DCDC2: variants seen among roughly 807,000 people sequenced by gnomAD.
DCDC2 encodes doublecortin domain-containing protein 2.
In DCDC2, 40 loss-of-function variants were observed where a neutral mutation model predicts 50.2. The observed-to-expected ratio is 0.80, with a 90% CI of 0.62 to 1.04. The LOEUF is 1.04. Ranked by LOEUF, DCDC2 falls within the 50% of genes least tolerant of loss-of-function variation. The pLI, the probability that DCDC2 is intolerant of heterozygous loss-of-function variation, is 0.00. For missense variants in DCDC2, 570 were observed against 581.9 expected, an observed-to-expected ratio of 0.98 and a Z score of 0.21; for synonymous variants, 234 against 210.6, an observed-to-expected ratio of 1.11 and a Z score of -0.96.
intron 7 of DCDC2, among the ~76,000 whole-genome samples, chr6:24,232,242 G>A (rs555766458): frequency 1.3e-5 from 2 of 152,148 alleles, no homozygotes; most frequent in Non-Finnish European, 2.9e-5. Flanking sequence ...AATTAACCAG[G>A]CACAGAAATA....
At chr6:24,320,859 G>C (rs897225768) in intron 2 of DCDC2, among the ~76,000 whole-genome samples, 1 of 151,684 alleles carries the variant, frequency 6.6e-6, no homozygotes, top group Admixed American at 6.6e-5. Flanking sequence ...AGGGACTAGA[G>C]ATCCTTGGAG....
At chr6:24,203,913 A>C in intron 8 of DCDC2, among the ~76,000 whole-genome samples, 1 of 152,248 alleles carries the variant, frequency 6.6e-6, no homozygotes, top group African/African-American at 2.4e-5. Flanking sequence ...GTCATTAGAA[A>C]AATGTAAATC....
At position 24,355,197 on chromosome 6, in the gene DCDC2, T is replaced by A. The variant is rs550739855; in HGVS notation, c.294-1574A>T. On this transcript the variant is annotated intron_variant, in intron 1 of 9. Coordinates refer to ENST00000378454, the MANE Select transcript of DCDC2 (RefSeq NM_016356.5). Reference sequence around the variant, plus strand: ...TATAACAAATTCAGTTTTTTGTGTATGAACTGAAAGCAAAAATAACATGCA... The same window carrying A: ...TATAACAAATTCAGTTTTTTGTGTAAGAACTGAAAGCAAAAATAACATGCA... 2.3e-4 allele frequency among the ~76,000 whole-genome samples: 35 copies of A among 152,256 alleles called. No homozygotes were observed. The South Asian group carries it at 5.4e-3, about 23-fold the overall frequency.
At chr6:24,255,273 T>A (rs568277091) in intron 7 of DCDC2, among the ~76,000 whole-genome samples, 3 of 151,732 alleles carry the variant, frequency 2.0e-5, no homozygotes, top group African/African-American at 7.3e-5. Context: ...GGAGAAAAAC[T>A]AATCTTGACT....
chr6:24,179,434 G>A (rs1761002959), intron 8 of DCDC2, among the ~76,000 whole-genome samples: 2 of 149,166 alleles, frequency 1.3e-5, no homozygotes, highest in Admixed American at 1.3e-4. Flanking sequence ...TGTAGTCCCA[G>A]CTACTCGGGA....
At chr6:24,285,358 C>T (rs565694194) in intron 6 of DCDC2, among the ~76,000 whole-genome samples, 102 of 152,272 alleles carry the variant, frequency 6.7e-4, no homozygotes, top group African/African-American at 2.4e-3. Context: ...TCCATGAGGC[C>T]TCCCCTGACA....
intron 8 of DCDC2, among the ~76,000 whole-genome samples, chr6:24,191,132 G>A (rs965964979): frequency 5.0e-4 from 76 of 152,300 alleles, no homozygotes; most frequent in Admixed American, 3.3e-3. Context: ...TAATTGTTTA[G>A]TAAATGCATT....
At chr6:24,195,531 A>G (rs2799373) in intron 8 of DCDC2, among the ~76,000 whole-genome samples, 105,116 of 151,960 alleles carry the variant, frequency 0.69, 36,529 homozygotes, top group Admixed American at 0.72. Flanking sequence ...ACAATAAAGA[A>G]ACCCAGCCTT....
intron 2 of DCDC2, among the ~76,000 whole-genome samples, chr6:24,316,484 G>A (rs368853981): frequency 7.9e-5 from 12 of 152,098 alleles, no homozygotes; most frequent in African/African-American, 1.9e-4. Context: ...TAAGATAAAC[G>A]AGTAAGAAAC....
intron 8 of DCDC2, among the ~76,000 whole-genome samples, chr6:24,199,885 G>A (rs1194460389): frequency 6.6e-6 from 1 of 152,152 alleles, no homozygotes; most frequent in Non-Finnish European, 1.5e-5. Flanking sequence ...ATCAATAGCT[G>A]AAATGATCAA....
intron 7 of DCDC2, among the ~76,000 whole-genome samples, chr6:24,210,373 C>A (rs543249086): frequency 1.3e-5 from 2 of 152,124 alleles, no homozygotes; most frequent in Non-Finnish European, 2.9e-5. Flanking sequence ...GGCACCTCAA[C>A]CTTAACATGG....
rs762516961 is a variant in DCDC2 at position 24,288,908 on chromosome 6, T to C, written c.705-2A>G. On this transcript the variant is annotated splice_acceptor_variant, in intron 5 of 9. Coordinates refer to ENST00000378454, the MANE Select transcript of DCDC2 (RefSeq NM_016356.5). LOFTEE classifies it high-confidence loss of function. The stretch of plus-strand genomic sequence containing the variant: ...GGAGGTAGTGAAGAAGCTTTCTGAC[T>C]GTGGAAACAAATTGCAATTTAGAAA... 2 of 1,594,556 alleles carry C rather than the reference T, an allele frequency of 1.3e-6. No individual in the cohort carries two copies. Among genetic ancestry groups the C allele is most frequent in the East Asian group, 2.2e-5 (1 of 44,708 alleles).
intron 7 of DCDC2, among the ~76,000 whole-genome samples, chr6:24,248,502 T>C (rs548026693): frequency 1.2e-4 from 19 of 152,166 alleles, no homozygotes; most frequent in African/African-American, 4.3e-4. Flanking sequence ...GTGGTAGTAT[T>C]AGTATTGGTA....
intron 7 of DCDC2, among the ~76,000 whole-genome samples, chr6:24,263,873 G>C (rs534840033): frequency 3.8e-4 from 58 of 152,148 alleles, no homozygotes; most frequent in African/African-American, 1.4e-3. Flanking sequence ...CAATATTCAC[G>C]TACAAGAGGG....
In DCDC2 at chr6:24,353,609, C is replaced by T; in HGVS notation, c.308G>A (p.Gly103Glu). ...AFKKLNYLDIGEIKKRPMEVV... is the reference protein window; with the variant it reads ...AFKKLNYLDIEEIKKRPMEVV... ...TTCCATTGGTCTTTTCTTGATTTCT[C>T]CTATGTCCAAGTAACTGAGGAAAAA... Residue 103 changes from glycine to glutamate, a missense_variant, in exon 2 of 10, where the codon GGA (glycine) becomes GAA (glutamate). Transcript: ENST00000378454. 6.3e-7 allele frequency: 1 copy of T among 1,592,162 alleles called. No homozygotes were observed. The highest frequency in any genetic ancestry group is 8.6e-7 in the Non-Finnish European group (1 of 1,168,320).
At chr6:24,357,153 G>T in intron 1 of DCDC2, 1 of 251,018 alleles carries the variant, frequency 4.0e-6, no homozygotes, top group Non-Finnish European at 7.5e-6. Context: ...AACAGAAAAC[G>T]CAAAAGTATC....
intron 6 of DCDC2, among the ~76,000 whole-genome samples, chr6:24,281,550 A>G (rs530824478): frequency 2.7e-5 from 4 of 146,334 alleles, no homozygotes; most frequent in Non-Finnish European, 3.0e-5. Context: ...TGATTCATCT[A>G]AAGTGTTCAT....
At chr6:24,211,131 C>T (rs917216803) in intron 7 of DCDC2, among the ~76,000 whole-genome samples, 1 of 152,066 alleles carries the variant, frequency 6.6e-6, no homozygotes, top group African/African-American at 2.4e-5. Context: ...AGAGATCAGG[C>T]AGTTTGTCCG....
chr6:24,206,377 A>AGAAG (rs370300459), intron 7 of DCDC2, among the ~76,000 whole-genome samples: 2 of 152,056 alleles, frequency 1.3e-5, no homozygotes, highest in Non-Finnish European at 2.9e-5. Context: ...AATGAAGGAA[A>AGAAG]GAAGGAAGGA....
Sources: allele counts gnomAD v4.1 joint callset (sites outside exome capture counted in the v4.1 genomes callset), GRCh38; gene constraint gnomAD v4.1.1; transcripts MANE v1.5; gene names NCBI Gene and HGNC (gene_info 2026-07-23, HGNC 2026-07-21).